OPCML: variants seen among roughly 807,000 people sequenced by gnomAD.
OPCML encodes opioid binding protein/cell adhesion molecule like, also known as opioid-binding protein/cell adhesion molecule.
A neutral mutation model predicts 37.8 loss-of-function variants in OPCML; 13 were observed. The observed-to-expected ratio is 0.34, with a 90% CI of 0.22 to 0.55. The LOEUF is 0.55. OPCML is among the 20% of genes least tolerant of loss of function. The pLI is 0.91. For missense variants in OPCML, 341 were observed against 435.6 expected (o/e 0.78, Z 1.93); for synonymous variants, 176 against 168.8 (o/e 1.04, Z -0.33).
At chr11:132,649,549 G>A (rs891398038) in intron 3 of OPCML, among the ~76,000 whole-genome samples, 5 of 152,162 alleles carry the variant, frequency 3.3e-5, no homozygotes, top group African/African-American at 9.7e-5. Flanking sequence ...AGTGAAGGGA[G>A]ACTTGAGATC....
intron 1 of OPCML, among the ~76,000 whole-genome samples, chr11:133,080,816 C>T: frequency 6.6e-6 from 1 of 152,138 alleles, no homozygotes; most frequent in East Asian, 1.9e-4. Flanking sequence ...TTGTTCACCT[C>T]TTCATTCATT....
intron 1 of OPCML, chr11:133,361,544 A>G (rs976501657): frequency 5.8e-5 from 9 of 156,454 alleles, no homozygotes; most frequent in Non-Finnish European, 1.3e-4. Context: ...CGGCGCGCAG[A>G]CAGGTCCGGG....
intron 2 of OPCML, among the ~76,000 whole-genome samples, chr11:132,674,469 T>C (rs937610695): frequency 1.3e-5 from 2 of 152,182 alleles, no homozygotes; most frequent in Non-Finnish European, 2.9e-5. Context: ...TTTTGTGTTG[T>C]ATTTTTTAAG....
intron 1 of OPCML, among the ~76,000 whole-genome samples, chr11:133,000,971 C>T (rs569799509): frequency 2.6e-5 from 4 of 152,184 alleles, no homozygotes; most frequent in Admixed American, 6.5e-5. Flanking sequence ...CTCCCTCTCT[C>T]GCCATGTGAT....
intron 3 of OPCML, among the ~76,000 whole-genome samples, chr11:132,599,639 C>A (rs2437826): frequency 6.6e-6 from 1 of 151,974 alleles, no homozygotes; most frequent in Non-Finnish European, 1.5e-5. Context: ...GCAGAAGAAG[C>A]CCCGAGTGCC....
chr11:132,851,987 G>A (rs1941829665), intron 2 of OPCML, among the ~76,000 whole-genome samples: 1 of 152,196 alleles, frequency 6.6e-6, no homozygotes, highest in Non-Finnish European at 1.5e-5. Flanking sequence ...GGCTCAAGAA[G>A]AGCATTCTGA....
At chr11:132,730,226 G>T (rs1471500287) in intron 2 of OPCML, among the ~76,000 whole-genome samples, 1 of 151,680 alleles carries the variant, frequency 6.6e-6, no homozygotes, top group African/African-American at 2.4e-5. Context: ...CTAACTAAAG[G>T]TGTAACAGGT....
intron 1 of OPCML, among the ~76,000 whole-genome samples, chr11:133,110,589 C>T (rs1008811641): frequency 2.0e-5 from 3 of 151,966 alleles, no homozygotes; most frequent in South Asian, 4.1e-4. Context: ...TCTCTGAACT[C>T]CAGCTCAGGT....
intron 1 of OPCML, among the ~76,000 whole-genome samples, chr11:133,320,135 T>C (rs140532090): frequency 6.6e-6 from 1 of 152,334 alleles, no homozygotes; most frequent in African/African-American, 2.4e-5. Context: ...TTTGAAACTA[T>C]ACAAATTTTA....
At chr11:132,887,136 G>A (rs578018937) in intron 2 of OPCML, among the ~76,000 whole-genome samples, 15 of 152,250 alleles carry the variant, frequency 9.9e-5, no homozygotes, top group African/African-American at 2.9e-4. Flanking sequence ...TACAATGGTG[G>A]TCTCGTAGGA....
At chr11:132,933,691 G>A (rs965025434) in intron 2 of OPCML, among the ~76,000 whole-genome samples, 1 of 152,152 alleles carries the variant, frequency 6.6e-6, no homozygotes, top group Non-Finnish European at 1.5e-5. Context: ...TAAGCATTAG[G>A]TATTCTGTTG....
intron 3 of OPCML, among the ~76,000 whole-genome samples, chr11:132,567,520 C>T (rs1044756078): frequency 7.2e-5 from 11 of 152,062 alleles, no homozygotes; most frequent in Non-Finnish European, 1.3e-4. Flanking sequence ...CTAGATAGGT[C>T]TCCACAATAG....
At chr11:132,819,641 A>C (rs1290703980) in intron 2 of OPCML, among the ~76,000 whole-genome samples, 1 of 151,236 alleles carries the variant, frequency 6.6e-6, no homozygotes, top group Non-Finnish European at 1.5e-5. Flanking sequence ...ATTATACAGG[A>C]TTCTCCCATT....
chr11:132,769,206 G>GT (rs574890665), intron 2 of OPCML, among the ~76,000 whole-genome samples: 2 of 150,946 alleles, frequency 1.3e-5, no homozygotes, highest in African/African-American at 2.4e-5. Flanking sequence ...ATGCTGAGTA[G>GT]TTTTTTTGTA....
At chr11:133,184,056 AG>A (rs1219154735) in intron 1 of OPCML, among the ~76,000 whole-genome samples, 1 of 152,172 alleles carries the variant, frequency 6.6e-6, no homozygotes, top group Non-Finnish European at 1.5e-5. Flanking sequence ...TTGACATTGA[AG>A]GGGAGGAAGT....
chr11:133,229,867 G>A (rs150596923), intron 1 of OPCML, among the ~76,000 whole-genome samples: 332 of 152,260 alleles, frequency 2.2e-3, no homozygotes, highest in African/African-American at 7.5e-3. Context: ...CAGTTAGTGC[G>A]TATTTCCCTT....
chr11:132,914,096 T>A (rs146380259), intron 2 of OPCML, among the ~76,000 whole-genome samples: 61 of 152,344 alleles, frequency 4.0e-4, no homozygotes, highest in Non-Finnish European at 6.8e-4. Flanking sequence ...CCCAATTGTC[T>A]CTGCTGCGAG....
chr11:133,137,534 C>T lies in OPCML; in HGVS notation c.62-194524G>A, dbSNP rs370497964. ...GATATCTCTCATGCATTAGGTACTT[C>T]AGTAAGAGTCAATATCATGCTGGCC... On this transcript the variant is annotated intron_variant, in intron 1 of 7. Transcript: ENST00000524381. 1.8e-4 allele frequency among the ~76,000 whole-genome samples: 28 copies of T among 152,138 alleles called. No homozygotes were observed. The East Asian group carries it at 1.9e-3, about 10-fold the overall frequency.
intron 1 of OPCML, among the ~76,000 whole-genome samples, chr11:133,442,757 GT>G (rs1289036457): frequency 1.5e-4 from 23 of 151,904 alleles, no homozygotes; most frequent in African/African-American, 5.5e-4. Flanking sequence ...GTGTGTGTGT[GT>G]GTGTGTGTCT....
Sources: allele counts gnomAD v4.1 joint callset (sites outside exome capture counted in the v4.1 genomes callset), GRCh38; gene constraint gnomAD v4.1.1; transcripts MANE v1.5; gene names NCBI Gene and HGNC (gene_info 2026-07-23, HGNC 2026-07-21).